PIK3R5: variants seen among roughly 807,000 people sequenced by gnomAD.
PIK3R5 encodes phosphoinositide-3-kinase regulatory subunit 5.
PIK3R5 carries 32 observed loss-of-function variants against 94.9 expected under a neutral mutation model. The observed-to-expected ratio is 0.34, with a 90% confidence interval of 0.25 to 0.45. The LOEUF is 0.45. Among genes scored for constraint, PIK3R5 ranks in the 20% least tolerant of loss-of-function variants. PIK3R5 has a pLI of 1.00. For missense variants in PIK3R5, 853 were observed against 1,144.6 expected (o/e 0.75, Z 3.68); for synonymous variants, 443 against 479.4 (o/e 0.92, Z 0.99).
intron 5 of PIK3R5, among the ~76,000 whole-genome samples, chr17:8,899,258 T>C (rs1214738949): frequency 6.6e-6 from 1 of 152,182 alleles, no homozygotes; most frequent in East Asian, 1.9e-4. Context: ...ACAGGCCCAC[T>C]TCCTCTGCCA....
Position 8,951,269 on chromosome 17 carries a change from G to T in PIK3R5, c.-14+14327C>A, listed in dbSNP as rs182765648. Among the ~76,000 whole-genome samples, 748 of 152,226 alleles carry T rather than the reference G, an allele frequency of 4.9e-3. 16 individuals are homozygous for T. Among genetic ancestry groups the T allele is most frequent in the Admixed American group, 0.046 (706 of 15,288 alleles). ...CTGTAGGTTGTGTGTGTACAGTTTT[G>T]TGCGTACAGTTCTAAGTATACAGTT... On this transcript the variant is annotated intron_variant, in intron 1 of 18. Transcript: ENST00000447110.
chr17:8,960,779 TCAA>T (rs375785949), intron 1 of PIK3R5, among the ~76,000 whole-genome samples: 10 of 151,950 alleles, frequency 6.6e-5, no homozygotes, highest in African/African-American at 2.4e-4. Context: ...TTTGCCTAGG[TCAA>T]CAACAACAAC....
At chr17:8,934,361 A>C (rs1290979833) in intron 1 of PIK3R5, among the ~76,000 whole-genome samples, 1 of 152,248 alleles carries the variant, frequency 6.6e-6, no homozygotes, top group Non-Finnish European at 1.5e-5. Context: ...GGAATTTACC[A>C]AAGAATGTGG....
chr17:8,949,350 C>T (rs886313060), intron 1 of PIK3R5, among the ~76,000 whole-genome samples: 10 of 152,062 alleles, frequency 6.6e-5, no homozygotes, highest in African/African-American at 2.4e-4. Context: ...GGAAAGGGTC[C>T]GATATTGAAA....
intron 1 of PIK3R5, among the ~76,000 whole-genome samples, chr17:8,933,734 C>T (rs1027951822): frequency 2.0e-5 from 3 of 151,824 alleles, no homozygotes; most frequent in Non-Finnish European, 4.4e-5. Flanking sequence ...TATAAAAAGA[C>T]CAAATGGGAC....
At chr17:8,947,112 G>A (rs916668691) in intron 1 of PIK3R5, among the ~76,000 whole-genome samples, 6 of 151,814 alleles carry the variant, frequency 4.0e-5, no homozygotes, top group Admixed American at 1.3e-4. Flanking sequence ...CACACACCCC[G>A]CCTGACTGAG....
chr17:8,954,093 A>T (rs1055131796), intron 1 of PIK3R5, among the ~76,000 whole-genome samples: 4 of 152,190 alleles, frequency 2.6e-5, no homozygotes, highest in Non-Finnish European at 5.9e-5. Flanking sequence ...AGAAAAAAGA[A>T]AAAGAAATAA....
intron 1 of PIK3R5, among the ~76,000 whole-genome samples, chr17:8,924,766 C>G (rs1255534271): frequency 6.6e-6 from 1 of 152,202 alleles, no homozygotes; most frequent in East Asian, 1.9e-4. Flanking sequence ...CGAAACCTCT[C>G]TAACAAGAAA....
At chr17:8,895,113 G>C (rs1188155984) in intron 5 of PIK3R5, among the ~76,000 whole-genome samples, 2 of 152,060 alleles carry the variant, frequency 1.3e-5, no homozygotes, top group African/African-American at 4.8e-5. Context: ...ATCAGGACTT[G>C]GGACACCATC....
chr17:8,930,060 A>C (rs2090960642), intron 1 of PIK3R5, among the ~76,000 whole-genome samples: 1 of 152,246 alleles, frequency 6.6e-6, no homozygotes, highest in Admixed American at 6.5e-5. Flanking sequence ...AAGGATGCAT[A>C]AGAATTCAAC....
chr17:8,902,773 C>T (rs1344267576), intron 5 of PIK3R5, among the ~76,000 whole-genome samples: 1 of 152,032 alleles, frequency 6.6e-6, no homozygotes, highest in Non-Finnish European at 1.5e-5. Context: ...GTCTTCTACA[C>T]CTAAACCTTT....
In PIK3R5 at chr17:8,965,095, C is replaced by G. The variant is rs1449582512; in HGVS notation, c.-14+501G>C. On this transcript the variant is annotated intron_variant, in intron 1 of 18. Coordinates refer to ENST00000447110, the MANE Select transcript of PIK3R5 (RefSeq NM_001142633.3). ...CTGAGAGCAGAAAGCGTGCAGTTCT[C>G]TAGGACAGCAGCCGCGTCTGGGCCC... Among the ~76,000 whole-genome samples the G allele has an allele frequency of 3.3e-5, 5 of 152,338 alleles. No homozygotes were observed. In the East Asian group the frequency reaches 7.7e-4, roughly 24 times the overall value.
chr17:8,909,304 T>G lies in PIK3R5; in HGVS notation c.104-130A>C. 1.7e-6 allele frequency: 1 copy of G among 603,918 alleles called. No homozygotes were observed. Among genetic ancestry groups the G allele is most frequent in the Non-Finnish European group, 3.0e-6 (1 of 336,818 alleles). The allele number at this position is 603,918 out of a possible 1,614,324, so 37.4% of individuals were successfully genotyped here. ...TATTGCACTGGAACACTCTTTTTTT[T>G]TTTTGAGACAGAGTCTTGCTCTGTC... On this transcript the variant is annotated intron_variant, in intron 2 of 18. Coordinates refer to ENST00000447110, the MANE Select transcript of PIK3R5 (RefSeq NM_001142633.3). This position sits in a 1 kb window ranked among gnomAD's most constrained non-coding sequence, Gnocchi z 4.3.
chr17:8,964,377 C>T (rs1006697439), intron 1 of PIK3R5, among the ~76,000 whole-genome samples: 2 of 152,052 alleles, frequency 1.3e-5, no homozygotes, highest in Non-Finnish European at 2.9e-5. Context: ...AGTGACAGAG[C>T]AAGACCCTGT....
chr17:8,941,325 G>A (rs541612143), intron 1 of PIK3R5, among the ~76,000 whole-genome samples: 67 of 152,234 alleles, frequency 4.4e-4, no homozygotes, highest in African/African-American at 1.5e-3. Context: ...CCCTCCCCAC[G>A]CAGTGATTCG....
chr17:8,955,708 T>C lies in PIK3R5; in HGVS notation c.-14+9888A>G, dbSNP rs550283028. 6.6e-6 allele frequency among the ~76,000 whole-genome samples: 1 copy of C among 152,030 alleles called. No individual in the cohort carries two copies. The highest frequency in any genetic ancestry group is 1.5e-5 in the Non-Finnish European group (1 of 67,984). ...AGAGCCATGGAGAAAGGAAGCACCA[T>C]CAAAACGGGCTGGGGAGTGGGGAAC... On this transcript the variant is annotated intron_variant, in intron 1 of 18. Coordinates refer to ENST00000447110, the MANE Select transcript of PIK3R5 (RefSeq NM_001142633.3). This position sits in a 1 kb window ranked among gnomAD's most constrained non-coding sequence, Gnocchi z 4.4.
intron 1 of PIK3R5, among the ~76,000 whole-genome samples, chr17:8,917,126 C>G (rs941295104): frequency 6.6e-6 from 1 of 152,042 alleles, no homozygotes; most frequent in African/African-American, 2.4e-5. Context: ...TTCTTCCCAA[C>G]ACAGGAAGGA....
At chr17:8,959,885 G>A (rs1374417738) in intron 1 of PIK3R5, among the ~76,000 whole-genome samples, 7 of 152,174 alleles carry the variant, frequency 4.6e-5, no homozygotes, top group South Asian at 2.1e-4. Flanking sequence ...CAAAAAATAC[G>A]GTGGAGTTTT....
At chr17:8,923,550 A>G (rs954019730) in intron 1 of PIK3R5, among the ~76,000 whole-genome samples, 2 of 152,188 alleles carry the variant, frequency 1.3e-5, no homozygotes, top group African/African-American at 4.8e-5. Context: ...TACTGGAGCC[A>G]GGGGTGGGCA....
Sources: allele counts gnomAD v4.1 joint callset (sites outside exome capture counted in the v4.1 genomes callset), GRCh38; gene constraint gnomAD v4.1.1; non-coding constraint Gnocchi (gnomAD v3.1); transcripts MANE v1.5; gene names NCBI Gene and HGNC (gene_info 2026-07-23, HGNC 2026-07-21).